CELF4: variants seen among roughly 807,000 people sequenced by gnomAD.
The protein encoded by CELF4 is CUGBP Elav-like family member 4, also known as CUG-BP- and ETR-3-like factor 4.
In CELF4, 18 loss-of-function variants were observed where a neutral mutation model predicts 59.9. The observed-to-expected ratio is 0.30, with a 90% CI of 0.21 to 0.45. The LOEUF (loss-of-function observed/expected upper bound fraction) is 0.45, where lower values mean the gene tolerates loss of function less well. Ranked by LOEUF, CELF4 falls within the 20% of genes least tolerant of loss-of-function variation. The pLI is 1.00. For synonymous variants in CELF4, 261 were observed against 267.1 expected, an observed-to-expected ratio of 0.98 and a Z score of 0.22; for missense variants, 456 against 689.0, an observed-to-expected ratio of 0.66 and a Z score of 3.79.
chr18:37,260,040 C>T (rs1251096972), intron 10 of CELF4, among the ~76,000 whole-genome samples: 1 of 152,206 alleles, frequency 6.6e-6, no homozygotes, highest in East Asian at 1.9e-4. Flanking sequence ...GTCTCTAACT[C>T]ACTTAATCCT....
At chr18:37,516,900 C>A (rs1297872256) in intron 1 of CELF4, among the ~76,000 whole-genome samples, 1 of 152,230 alleles carries the variant, frequency 6.6e-6, no homozygotes, top group African/African-American at 2.4e-5. Flanking sequence ...ATACTTGACA[C>A]AATTTCCCTC....
At chr18:37,442,618 T>C (rs1479313992) in intron 2 of CELF4, among the ~76,000 whole-genome samples, 1 of 152,102 alleles carries the variant, frequency 6.6e-6, no homozygotes, top group Non-Finnish European at 1.5e-5. Flanking sequence ...ACATGGCGAC[T>C]CCCGGGAAGG....
chr18:37,554,593 C>G (rs529161744), intron 1 of CELF4, among the ~76,000 whole-genome samples: 53 of 152,320 alleles, frequency 3.5e-4, no homozygotes, highest in African/African-American at 1.3e-3. Context: ...GGCCTGGACT[C>G]TAAGGCAGGC....
intron 2 of CELF4, among the ~76,000 whole-genome samples, chr18:37,456,054 G>A (rs9948373): frequency 0.65 from 98,164 of 151,964 alleles, 32,940 homozygotes; most frequent in South Asian, 0.78. Context: ...TGAGGCCTCT[G>A]GAGTGTCATA....
intron 2 of CELF4, among the ~76,000 whole-genome samples, chr18:37,431,010 T>C (rs1321176020): frequency 6.6e-6 from 1 of 152,198 alleles, no homozygotes; most frequent in East Asian, 1.9e-4. Flanking sequence ...TAGGCCTGGC[T>C]GCTGGGTTAG....
chr18:37,323,516 C>T (rs905737191), intron 2 of CELF4, among the ~76,000 whole-genome samples: 4 of 152,142 alleles, frequency 2.6e-5, no homozygotes, highest in African/African-American at 9.7e-5. Flanking sequence ...AGGCATCTGG[C>T]TATGGGAGAG....
chr18:37,260,541 G>A (rs1174734469), intron 10 of CELF4, among the ~76,000 whole-genome samples: 1 of 152,222 alleles, frequency 6.6e-6, no homozygotes, highest in East Asian at 1.9e-4. Flanking sequence ...CAACAGTGAA[G>A]GCTGTAAGGC....
intron 2 of CELF4, among the ~76,000 whole-genome samples, chr18:37,412,023 G>A (rs114398726): frequency 0.018 from 2,682 of 152,294 alleles, 75 homozygotes; most frequent in African/African-American, 0.06. Context: ...TCTTTGCTGT[G>A]GTGTTTTCTT....
At position 37,480,537 on chromosome 18, in the gene CELF4, T is replaced by A. The variant is rs372211561; in HGVS notation, c.369+4988A>T. ...TGCCCTTTATAATTTATTCATCTTG[T>A]TCTTGCCTTCATCCTTTCTACTTAT... is the stretch of plus-strand genomic sequence containing the variant. On this transcript the variant is annotated intron_variant, in intron 2 of 12. Transcript: ENST00000420428. Among the ~76,000 whole-genome samples the A allele has an allele frequency of 7.9e-5, 12 of 152,360 alleles. No homozygotes were observed. In the South Asian group the frequency reaches 2.1e-3, roughly 26 times the overall value.
At chr18:37,257,372 T>A (rs984697225) in intron 11 of CELF4, among the ~76,000 whole-genome samples, 5 of 152,184 alleles carry the variant, frequency 3.3e-5, no homozygotes, top group African/African-American at 1.2e-4. Context: ...CATACATAAC[T>A]GTAATTCATA....
chr18:37,541,370 C>A (rs1407466978), intron 1 of CELF4, among the ~76,000 whole-genome samples: 1 of 152,030 alleles, frequency 6.6e-6, no homozygotes, highest in Non-Finnish European at 1.5e-5. Context: ...CACATCACAC[C>A]CAATCCACCA....
intron 1 of CELF4, among the ~76,000 whole-genome samples, chr18:37,522,825 C>A (rs892722082): frequency 3.9e-5 from 6 of 152,140 alleles, no homozygotes; most frequent in African/African-American, 1.2e-4. Context: ...GCTTCCGCAT[C>A]TGTTTGGCCT....
Position 37,527,543 on chromosome 18 carries a change from G to A in CELF4, c.286+37813C>T, listed in dbSNP as rs117297884. Among the ~76,000 whole-genome samples the A allele has an allele frequency of 9.2e-5, 14 of 152,146 alleles. No homozygotes were observed. The East Asian group carries it at 2.5e-3, about 27-fold the overall frequency. On this transcript the variant is annotated intron_variant, in intron 1 of 12. Coordinates refer to ENST00000420428, the MANE Select transcript of CELF4 (RefSeq NM_020180.4). ...AAGAACTCTACTTAGTGAAGCTGCT[G>A]GGACAAGAGCTGATCCTCATTGAAC... is the stretch of plus-strand genomic sequence containing the variant.
At chr18:37,344,405 A>T (rs2098172449) in intron 2 of CELF4, among the ~76,000 whole-genome samples, 1 of 152,256 alleles carries the variant, frequency 6.6e-6, no homozygotes, top group Non-Finnish European at 1.5e-5. Context: ...CGGGGCAGAG[A>T]CAGGGGGTCA....
Position 37,266,423 on chromosome 18 carries a change from C to T in CELF4, c.1165+110G>A, listed in dbSNP as rs1433022667. On this transcript the variant is annotated intron_variant, in intron 9 of 12. Coordinates refer to ENST00000420428, the MANE Select transcript of CELF4 (RefSeq NM_020180.4). The stretch of plus-strand genomic sequence containing the variant: ...ACAGCCCTCCCTCTTTCCACTCTCT[C>T]TCCCCACCCCATGCAGTGCTGGCCC... 8.0e-6 allele frequency: 9 copies of T among 1,119,870 alleles called. No homozygotes were observed. In the African/African-American group the frequency reaches 1.1e-4, roughly 13 times the overall value. The allele number at this position is 1,119,870 out of a possible 1,614,324, so 69.4% of individuals were successfully genotyped here.
At chr18:37,530,902 A>G (rs1007033701) in intron 1 of CELF4, among the ~76,000 whole-genome samples, 17 of 145,114 alleles carry the variant, frequency 1.2e-4, no homozygotes, top group African/African-American at 4.0e-4. Context: ...GCAGGATTAG[A>G]AAAAAAAAAA....
At chr18:37,556,152 A>G (rs1193889812) in intron 1 of CELF4, among the ~76,000 whole-genome samples, 1 of 152,182 alleles carries the variant, frequency 6.6e-6, no homozygotes, top group Non-Finnish European at 1.5e-5. Flanking sequence ...TTATAAGGAT[A>G]TTATTAGGTT....
At chr18:37,485,107 C>G (rs1250577603) in intron 2 of CELF4, among the ~76,000 whole-genome samples, 1 of 152,206 alleles carries the variant, frequency 6.6e-6, no homozygotes, top group Non-Finnish European at 1.5e-5. Flanking sequence ...AAGACGAGGG[C>G]TGGCTCCTTA....
intron 3 of CELF4, among the ~76,000 whole-genome samples, chr18:37,307,459 T>C (rs2096469704): frequency 1.3e-5 from 2 of 152,216 alleles, no homozygotes; most frequent in Middle Eastern, 3.4e-3. Flanking sequence ...GAGTGAATTC[T>C]CTCTATAAAT....
Sources: gnomAD v4.1 joint callset for allele counts (sites outside exome capture counted in the v4.1 genomes callset) on GRCh38, gnomAD v4.1.1 for gene constraint, MANE v1.5 for transcripts, NCBI Gene and HGNC (gene_info 2026-07-23, HGNC 2026-07-21) for gene names.